NBPF11: variants seen among roughly 807,000 people sequenced by gnomAD.
The protein encoded by NBPF11 is NBPF member 11, also known as NBPF family member NBPF11.
A neutral mutation model predicts 93.9 loss-of-function variants in NBPF11; 72 were observed. That is an observed-to-expected ratio of 0.77 (90% CI 0.63 to 0.93). The LOEUF (loss-of-function observed/expected upper bound fraction) is 0.93. Ranked by LOEUF, NBPF11 falls within the 40% of genes least tolerant of loss-of-function variation. The pLI, the probability that NBPF11 is intolerant of heterozygous loss-of-function variation, is 0.00. For missense variants in NBPF11, 705 were observed against 802.2 expected (o/e 0.88, Z 1.46); for synonymous variants, 224 against 304.9 (o/e 0.73, Z 2.76).
intron 14 of NBPF11, among the ~76,000 whole-genome samples, chr1:148,115,543 G>A (rs1174940012): frequency 2.0e-5 from 3 of 151,710 alleles, no homozygotes; most frequent in Non-Finnish European, 2.9e-5. Context: ...GACAGATACT[G>A]CCTGTGCACC....
chr1:148,117,137 C>A (rs1666758852), intron 12 of NBPF11, among the ~76,000 whole-genome samples: 1 of 148,122 alleles, frequency 6.8e-6, no homozygotes, highest in African/African-American at 2.5e-5. Flanking sequence ...ATGCTTCAGA[C>A]CTTGCAAGAG....
At chr1:148,147,235 G>A (rs1673306001) in intron 1 of NBPF11, among the ~76,000 whole-genome samples, 2 of 152,222 alleles carry the variant, frequency 1.3e-5, no homozygotes, top group South Asian at 4.1e-4. Flanking sequence ...GGGAGGGAGT[G>A]GGTGGTGGTC....
chr1:148,140,375 A>C (rs1671983896), intron 2 of NBPF11, among the ~76,000 whole-genome samples: 1 of 151,834 alleles, frequency 6.6e-6, no homozygotes, highest in Non-Finnish European at 1.5e-5. Context: ...TGGCTTCTTA[A>C]ATACAAAACC....
At chr1:148,137,126 C>T (rs1221378653) in intron 3 of NBPF11, among the ~76,000 whole-genome samples, 1 of 151,894 alleles carries the variant, frequency 6.6e-6, no homozygotes, top group Non-Finnish European at 1.5e-5. Context: ...TTGTTATATG[C>T]CAGTTATATG....
chr1:148,147,239 G>A (rs1485842334), intron 1 of NBPF11, among the ~76,000 whole-genome samples: 8 of 152,084 alleles, frequency 5.3e-5, no homozygotes, highest in Non-Finnish European at 1.0e-4. Context: ...GGGAGTGGGT[G>A]GTGGTCTGGG....
intron 17 of NBPF11, among the ~76,000 whole-genome samples, 181 bp from the exon 18 acceptor site, chr1:148,108,835 A>C (rs1433172320): frequency 4.5e-5 from 6 of 132,328 alleles, no homozygotes; most frequent in East Asian, 4.7e-4. Flanking sequence ...AAAGGATGAA[A>C]GAGAAAGACA....
chr1:148,123,759 C>T lies in NBPF11; in HGVS notation c.493+94G>A, dbSNP rs1378862026. 5.6e-6 allele frequency: 9 copies of T among 1,607,500 alleles called. No individual in the cohort carries two copies. In the South Asian group the frequency reaches 7.7e-5, roughly 14 times the overall value. On this transcript the variant is annotated intron_variant, in intron 7 of 23. Coordinates refer to ENST00000682118, the MANE Select transcript of NBPF11 (RefSeq NM_001385469.3). ...GCCACATATGTGTAGTAGAAAAAAA[C>T]CCCACTGATACAACTGTCATTGTGA...
chr1:148,120,258 C>T (rs1667516343), intron 10 of NBPF11, among the ~76,000 whole-genome samples: 1 of 152,222 alleles, frequency 6.6e-6, no homozygotes, highest in Admixed American at 6.5e-5. Context: ...GTGCCTGTGT[C>T]AGAAATCAAT....
rs1671184984 is a variant in NBPF11, at chr1:148,135,818, C to A, written c.-177-5G>T. 2 of 644,088 alleles carry A rather than the reference C, an allele frequency of 3.1e-6. No individual in the cohort carries two copies. The highest frequency in any genetic ancestry group is 2.6e-5 in the Admixed American group (1 of 37,892). The allele number at this position is 644,088 out of a possible 1,614,324, so 39.9% of individuals were successfully genotyped here. On this transcript the variant is annotated splice_polypyrimidine_tract_variant and splice_region_variant and intron_variant, in intron 3 of 23. Coordinates refer to ENST00000682118, the MANE Select transcript of NBPF11 (RefSeq NM_001385469.3). Reference sequence around the variant, plus strand: ...GACCATCCTTATCTTCAAGGGCTACCAAGAAGAAACAAATAATTTATTTAC... The same window carrying A: ...GACCATCCTTATCTTCAAGGGCTACAAAGAAGAAACAAATAATTTATTTAC...
intron 7 of NBPF11, among the ~76,000 whole-genome samples, chr1:148,123,380 G>T (rs3895178): frequency 6.6e-6 from 1 of 152,202 alleles, no homozygotes; most frequent in Admixed American, 6.5e-5. Flanking sequence ...AAAAGCATTC[G>T]TAAGTGTTCC....
At chr1:148,133,006 T>C (rs1365244760) in intron 4 of NBPF11, among the ~76,000 whole-genome samples, 2 of 148,838 alleles carry the variant, frequency 1.3e-5, no homozygotes, top group Admixed American at 6.7e-5. Flanking sequence ...CACCTCGGCT[T>C]CCCAAAGTGC....
intron 10 of NBPF11, among the ~76,000 whole-genome samples, chr1:148,119,333 TAATA>T (rs1667285519): frequency 6.6e-6 from 1 of 151,742 alleles, no homozygotes; most frequent in African/African-American, 2.4e-5. Context: ...AATGAAGAAC[TAATA>T]GATAGTGTTT....
In NBPF11 at chr1:148,105,548, TA is replaced by T; in HGVS notation, c.2304-21del. On this transcript the variant is annotated intron_variant, in intron 21 of 23. Coordinates refer to ENST00000682118, the MANE Select transcript of NBPF11 (RefSeq NM_001385469.3). Reference sequence around the variant, plus strand: ...CTGAGCCTGGAAAAGGAGGAAAAAGTAAAGAATAAGCCAGGGGAAATCACAC... The same window carrying T: ...CTGAGCCTGGAAAAGGAGGAAAAAGTAAGAATAAGCCAGGGGAAATCACAC... 1.4e-6 allele frequency: 1 copy of T among 730,226 alleles called. No homozygotes were observed. Among genetic ancestry groups the T allele is most frequent in the Non-Finnish European group, 2.4e-6 (1 of 409,754 alleles). 45.2% of individuals were successfully genotyped at this position (730,226 alleles called of 1,614,324 possible).
At chr1:148,143,253 A>G (rs1672483538) in intron 2 of NBPF11, among the ~76,000 whole-genome samples, 162 bp downstream of exon 2, 1 of 152,034 alleles carries the variant, frequency 6.6e-6, no homozygotes, top group Non-Finnish European at 1.5e-5. Flanking sequence ...CACGCTGTGA[A>G]TATTTGTTCA....
intron 4 of NBPF11, among the ~76,000 whole-genome samples, chr1:148,132,090 T>C (rs1484437524): frequency 1.5e-4 from 22 of 147,818 alleles, no homozygotes; most frequent in African/African-American, 5.3e-4. Context: ...TTTGAGAAAT[T>C]GTTTCATTGT....
Position 148,108,465 on chromosome 1 carries a change from C to T in NBPF11, c.2026+17G>A. On this transcript the variant is annotated intron_variant, in intron 18 of 23. Coordinates refer to ENST00000682118, the MANE Select transcript of NBPF11 (RefSeq NM_001385469.3). ...AGACTCAGTGGATCCTTATCACCTT[C>T]ATAGAAAGGTACTCACCATCCATGT... is the stretch of plus-strand genomic sequence containing the variant. 6.8e-7 allele frequency: 1 copy of T among 1,476,890 alleles called. No homozygotes were observed. Among genetic ancestry groups the T allele is most frequent in the Non-Finnish European group, 9.4e-7 (1 of 1,060,532 alleles). The allele number at this position is 1,476,890 out of a possible 1,614,324, so 91.5% of individuals were successfully genotyped here. A position where few individuals can be genotyped will look rare whatever the true frequency, so the allele number is the denominator to read the frequency against.
intron 15 of NBPF11, among the ~76,000 whole-genome samples, chr1:148,112,640 A>AAAGGG (rs1167131388): frequency 7.0e-6 from 1 of 143,694 alleles, no homozygotes; most frequent in Non-Finnish European, 1.5e-5. Context: ...TTACAGCAGC[A>AAAGGG]TGATTTATAA....
intron 2 of NBPF11, among the ~76,000 whole-genome samples, chr1:148,139,138 C>T (rs1305953650): frequency 1.3e-5 from 2 of 151,566 alleles, no homozygotes; most frequent in Non-Finnish European, 2.9e-5. Flanking sequence ...TACTTAACTC[C>T]AAATATTATT....
At position 148,102,662 on chromosome 1, in the gene NBPF11, C is replaced by A. The variant is rs1302739044; in HGVS notation, c.*1234G>T. The stretch of plus-strand genomic sequence containing the variant: ...TAGATCATTGAGCCAGACAGCTGAC[C>A]TGTCCTCTATAAACAAGTCCATGTC... On this transcript the variant is annotated 3_prime_UTR_variant, in exon 24 of 24. Transcript: ENST00000682118. The A allele has an allele frequency of 6.6e-6, 1 of 151,052 alleles. No individual in the cohort carries two copies. The allele number at this position is 151,052 out of a possible 1,614,324, so 9.4% of individuals were successfully genotyped here. A position where few individuals can be genotyped will look rare whatever the true frequency, so the allele number is the denominator to read the frequency against.
Sources: allele counts gnomAD v4.1 joint callset (sites outside exome capture counted in the v4.1 genomes callset), GRCh38; gene constraint gnomAD v4.1.1; transcripts MANE v1.5; gene names NCBI Gene and HGNC (gene_info 2026-07-23, HGNC 2026-07-21).